Variants in CCSER1 observed in about 807,000 individuals in gnomAD.
CCSER1 encodes serine-rich coiled-coil domain-containing protein 1.
CCSER1 carries 41 observed loss-of-function variants against 82.0 expected under a neutral mutation model. The ratio of observed to expected loss-of-function variants is 0.50; its 90% CI spans 0.39 to 0.65. The LOEUF (loss-of-function observed/expected upper bound fraction) is 0.65. CCSER1 is among the 30% of genes least tolerant of loss of function. CCSER1 has a pLI of 0.00. For missense variants in CCSER1, 1,119 were observed against 1,064.2 expected (o/e 1.05, Z -0.72); for synonymous variants, 414 against 383.9 (o/e 1.08, Z -0.92).
chr4:91,500,041 A>T (rs1333200012), intron 10 of CCSER1, among the ~76,000 whole-genome samples: 1 of 152,032 alleles, frequency 6.6e-6, no homozygotes, highest in Non-Finnish European at 1.5e-5. Context: ...TTTTTTAAGA[A>T]ATTGCCAAAT....
rs76496808 is a variant in CCSER1 at position 91,282,637 on chromosome 4, G to A, written c.2217+196643G>A. Among the ~76,000 whole-genome samples, 713 of 152,226 alleles carry A rather than the reference G, an allele frequency of 4.7e-3. 11 individuals carry two copies. In the South Asian group the frequency reaches 0.051, roughly 11 times the overall value. On this transcript the variant is annotated intron_variant, in intron 10 of 10. Transcript: ENST00000509176. ...AGGAAATTTAAGCATGGATTTGCAC[G>A]TCTTATTTATCATCCTTTAATGCAA... is the stretch of plus-strand genomic sequence containing the variant.
chr4:91,265,936 G>A (rs935928091), intron 10 of CCSER1, among the ~76,000 whole-genome samples: 1 of 152,092 alleles, frequency 6.6e-6, no homozygotes, highest in Non-Finnish European at 1.5e-5. Flanking sequence ...ACAATCATGA[G>A]GGAAGGCAAA....
intron 7 of CCSER1, among the ~76,000 whole-genome samples, chr4:90,770,616 A>G (rs1279055555): frequency 6.6e-6 from 1 of 152,180 alleles, no homozygotes; most frequent in East Asian, 1.9e-4. Context: ...TTCAGTGGTT[A>G]CCATGTATTA....
intron 10 of CCSER1, among the ~76,000 whole-genome samples, chr4:91,565,245 C>T (rs1762835001): frequency 6.6e-6 from 1 of 151,718 alleles, no homozygotes; most frequent in Admixed American, 6.6e-5. Context: ...CTCTGTTCTG[C>T]TCCACTGGTC....
At position 91,463,927 on chromosome 4, in the gene CCSER1, T is replaced by C. The variant is rs192770497; in HGVS notation, c.2218-134645T>C. Among the ~76,000 whole-genome samples, 62 of 152,232 alleles carry C rather than the reference T, an allele frequency of 4.1e-4. No individual in the cohort carries two copies. In the East Asian group the frequency reaches 0.011, roughly 27 times the overall value. ...AGAATGGAACCAAGTTGGCAAACAC[T>C]CTGCAGGATATTATCCAGGAGAACT... On this transcript the variant is annotated intron_variant, in intron 10 of 10. Transcript: ENST00000509176.
At chr4:91,039,131 A>G (rs1531407) in intron 9 of CCSER1, among the ~76,000 whole-genome samples, 68,738 of 151,864 alleles carry the variant, frequency 0.45, 15,984 homozygotes, top group East Asian at 0.69. Flanking sequence ...TGGCTCAAGC[A>G]ATCCTCCCAC....
At chr4:90,566,727 C>T (rs1043542995) in intron 5 of CCSER1, among the ~76,000 whole-genome samples, 21 of 151,862 alleles carry the variant, frequency 1.4e-4, no homozygotes, top group African/African-American at 4.4e-4. Flanking sequence ...CTCAGCCTCC[C>T]GAATAGCTGG....
At chr4:91,431,833 G>A (rs1754344178) in intron 10 of CCSER1, among the ~76,000 whole-genome samples, 1 of 151,890 alleles carries the variant, frequency 6.6e-6, no homozygotes, top group Admixed American at 6.6e-5. Flanking sequence ...TTTTAATTAA[G>A]GATATATGTT....
At chr4:90,586,501 C>T (rs2148665096) in intron 5 of CCSER1, among the ~76,000 whole-genome samples, 1 of 152,066 alleles carries the variant, frequency 6.6e-6, no homozygotes, top group Non-Finnish European at 1.5e-5. Context: ...CAGAAGATGC[C>T]AAAACTGGTT....
chr4:91,024,832 T>TA (rs987996394), intron 9 of CCSER1, among the ~76,000 whole-genome samples: 44 of 152,210 alleles, frequency 2.9e-4, no homozygotes, highest in African/African-American at 1.0e-3. Flanking sequence ...GGTATGACTT[T>TA]AAAAAATTGA....
At chr4:91,339,098 A>G (rs1260653760) in intron 10 of CCSER1, among the ~76,000 whole-genome samples, 1 of 152,160 alleles carries the variant, frequency 6.6e-6, no homozygotes, top group Non-Finnish European at 1.5e-5. Context: ...ATAGTCTAGC[A>G]TATAGAATTG....
chr4:90,713,319 C>T (rs1741004115), intron 6 of CCSER1, among the ~76,000 whole-genome samples: 1 of 152,002 alleles, frequency 6.6e-6, no homozygotes, highest in Non-Finnish European at 1.5e-5. Context: ...CCTTCAGGAG[C>T]TCTTGCAAGG....
In CCSER1 at chr4:90,392,649, A is replaced by G. The variant is rs191532380; in HGVS notation, c.1510-7387A>G. ...ACATAAGCTCTCTATTCATATTTGC[A>G]AAATATATGTTTTTGGACTTGTAAT... On this transcript the variant is annotated intron_variant, in intron 3 of 10. Transcript: ENST00000509176. 5.9e-5 allele frequency among the ~76,000 whole-genome samples: 9 copies of G among 151,640 alleles called. No individual in the cohort carries two copies. The East Asian group carries it at 1.7e-3, about 29-fold the overall frequency.
chr4:91,065,911 T>C (rs1720765157), intron 9 of CCSER1, among the ~76,000 whole-genome samples: 1 of 152,206 alleles, frequency 6.6e-6, no homozygotes, highest in African/African-American at 2.4e-5. Context: ...CAATATGTAC[T>C]AATTTATTCT....
chr4:90,537,702 C>T (rs901823651), intron 5 of CCSER1, among the ~76,000 whole-genome samples: 1 of 152,066 alleles, frequency 6.6e-6, no homozygotes, highest in Non-Finnish European at 1.5e-5. Flanking sequence ...AAGGACTTTT[C>T]TTCACTTTTA....
At chr4:90,628,277 A>T in intron 6 of CCSER1, 45 bp downstream of exon 6, 1 of 1,506,508 alleles carries the variant, frequency 6.6e-7, no homozygotes, top group Non-Finnish European at 9.2e-7. Context: ...GCTGGTAGAC[A>T]ATGAAGTCTG....
chr4:91,587,331 A>G (rs952297655), intron 10 of CCSER1, among the ~76,000 whole-genome samples: 10 of 151,690 alleles, frequency 6.6e-5, no homozygotes, highest in African/African-American at 2.2e-4. Flanking sequence ...TAGACAGGGA[A>G]GACTTATTCC....
At chr4:91,206,174 A>G (rs764283165) in intron 10 of CCSER1, among the ~76,000 whole-genome samples, 2 of 151,842 alleles carry the variant, frequency 1.3e-5, no homozygotes, top group Non-Finnish European at 2.9e-5. Context: ...TAAATAAGAT[A>G]ATTTTTCTGT....
chr4:90,151,181 G>A (rs148360793), intron 1 of CCSER1, among the ~76,000 whole-genome samples: 59 of 151,928 alleles, frequency 3.9e-4, no homozygotes, highest in African/African-American at 1.3e-3. Context: ...TAAGAAAATC[G>A]TACTTATACA....
Sources: allele counts gnomAD v4.1 joint callset (sites outside exome capture counted in the v4.1 genomes callset), GRCh38; gene constraint gnomAD v4.1.1; transcripts MANE v1.5; gene names NCBI Gene and HGNC (gene_info 2026-07-23, HGNC 2026-07-21).